Variants in CCSER1 observed in about 807,000 individuals in gnomAD.
CCSER1 encodes serine-rich coiled-coil domain-containing protein 1.
In CCSER1, 41 loss-of-function variants were observed where a neutral mutation model predicts 82.0. The observed-to-expected ratio is 0.50, with a 90% CI of 0.39 to 0.65. CCSER1 has a LOEUF of 0.65. Ranked by LOEUF, CCSER1 falls within the 30% of genes least tolerant of loss-of-function variation. The pLI is 0.00. For missense variants in CCSER1, 1,119 were observed against 1,064.2 expected (o/e 1.05, Z -0.72); for synonymous variants, 414 against 383.9 (o/e 1.08, Z -0.92).
At chr4:91,571,755 A>G (rs1053826184) in intron 10 of CCSER1, among the ~76,000 whole-genome samples, 2 of 151,986 alleles carry the variant, frequency 1.3e-5, no homozygotes, top group Non-Finnish European at 2.9e-5. Context: ...TCCCACAGAG[A>G]TGTAGGCCAT....
intron 10 of CCSER1, among the ~76,000 whole-genome samples, chr4:91,360,331 T>A (rs916475578): frequency 2.0e-5 from 3 of 151,788 alleles, no homozygotes; most frequent in African/African-American, 7.3e-5. Context: ...TGATTTAAAC[T>A]GTGTAGACAT....
chr4:91,020,555 G>A (rs376932126), intron 9 of CCSER1, among the ~76,000 whole-genome samples: 23 of 151,966 alleles, frequency 1.5e-4, no homozygotes, highest in African/African-American at 2.4e-4. Flanking sequence ...CCAGTTACTC[G>A]GGAGGCTGAG....
At chr4:91,366,087 T>G (rs1749593985) in intron 10 of CCSER1, among the ~76,000 whole-genome samples, 1 of 152,126 alleles carries the variant, frequency 6.6e-6, no homozygotes, top group African/African-American at 2.4e-5. Context: ...GGCACGATCT[T>G]GGCTCACTGC....
intron 1 of CCSER1, among the ~76,000 whole-genome samples, chr4:90,231,427 C>A (rs1744519994): frequency 6.6e-6 from 1 of 151,018 alleles, no homozygotes; most frequent in Non-Finnish European, 1.5e-5. Flanking sequence ...AACAACCCTT[C>A]ATGCTAAAAA....
intron 10 of CCSER1, among the ~76,000 whole-genome samples, chr4:91,458,151 T>A (rs1756298005): frequency 6.6e-6 from 1 of 152,180 alleles, no homozygotes; most frequent in Non-Finnish European, 1.5e-5. Flanking sequence ...AAGTCTTTAA[T>A]CCATCTTGAG....
intron 10 of CCSER1, among the ~76,000 whole-genome samples, chr4:91,534,252 G>T (rs1761185175): frequency 6.6e-6 from 1 of 151,952 alleles, no homozygotes; most frequent in African/African-American, 2.4e-5. Context: ...TCTTAAATCT[G>T]CTATGTGCAT....
At chr4:90,407,899 G>A (rs1343992316) in intron 4 of CCSER1, among the ~76,000 whole-genome samples, 1 of 152,170 alleles carries the variant, frequency 6.6e-6, no homozygotes, top group Non-Finnish European at 1.5e-5. Context: ...AGAAAGGGGT[G>A]ACAGACGGCA....
At chr4:90,787,626 G>A (rs753147827) in intron 7 of CCSER1, among the ~76,000 whole-genome samples, 2 of 152,134 alleles carry the variant, frequency 1.3e-5, no homozygotes, top group Non-Finnish European at 2.9e-5. Context: ...ATGTGTAGCA[G>A]GGTATTTATT....
chr4:90,226,452 G>A (rs1743174520), intron 1 of CCSER1, among the ~76,000 whole-genome samples: 1 of 152,146 alleles, frequency 6.6e-6, no homozygotes, highest in Admixed American at 6.5e-5. Flanking sequence ...TCTAGGAAAG[G>A]CAAAGAAATT....
At chr4:90,625,055 C>A (rs575232725) in intron 5 of CCSER1, among the ~76,000 whole-genome samples, 1 of 152,184 alleles carries the variant, frequency 6.6e-6, no homozygotes. Flanking sequence ...CACATTTGTT[C>A]AATTTCTTGA....
intron 8 of CCSER1, among the ~76,000 whole-genome samples, chr4:90,893,827 T>C (rs1274011264): frequency 6.6e-6 from 1 of 151,790 alleles, no homozygotes; most frequent in Admixed American, 6.6e-5. Context: ...CAATATGTGT[T>C]ATTTATATAA....
intron 5 of CCSER1, among the ~76,000 whole-genome samples, chr4:90,547,065 A>G (rs900927000): frequency 6.6e-6 from 1 of 152,076 alleles, no homozygotes; most frequent in Non-Finnish European, 1.5e-5. Flanking sequence ...TTGAAGACCT[A>G]CATTTCATAC....
intron 5 of CCSER1, among the ~76,000 whole-genome samples, chr4:90,548,145 T>G (rs887339604): frequency 6.6e-6 from 1 of 151,778 alleles, no homozygotes; most frequent in African/African-American, 2.4e-5. Flanking sequence ...AAAAAAAAAA[T>G]TATAATGACT....
chr4:91,442,074 C>T (rs953568790), intron 10 of CCSER1, among the ~76,000 whole-genome samples: 4 of 151,978 alleles, frequency 2.6e-5, no homozygotes, highest in Non-Finnish European at 4.4e-5. Flanking sequence ...TCAATGCCAT[C>T]CCCATCAAGC....
intron 6 of CCSER1, among the ~76,000 whole-genome samples, chr4:90,644,462 T>TA (rs1252712002): frequency 6.6e-6 from 1 of 151,784 alleles, no homozygotes; most frequent in Non-Finnish European, 1.5e-5. Flanking sequence ...GTATTTTTTT[T>TA]ATTTAATTTA....
chr4:90,534,566 A>C (rs1775066782), intron 5 of CCSER1, among the ~76,000 whole-genome samples: 1 of 152,140 alleles, frequency 6.6e-6, no homozygotes, highest in Non-Finnish European at 1.5e-5. Flanking sequence ...ATTAAAGCAG[A>C]TATTGAAAGG....
rs894351019 is a variant in CCSER1, at chr4:90,358,265, C to T, written c.1510-41771C>T. ...TACCTCTACTTGAGTGTTAATGATT[C>T]AGATTTAAAATGAAGTTACACATTC... On this transcript the variant is annotated intron_variant, in intron 3 of 10. Coordinates refer to ENST00000509176, the MANE Select transcript of CCSER1 (RefSeq NM_001145065.2). Among the ~76,000 whole-genome samples the T allele has an allele frequency of 2.6e-4, 20 of 76,850 alleles. 1 individual carries two copies. The highest frequency in any genetic ancestry group is 2.0e-3 in the Admixed American group (20 of 9,842). 50.4% of individuals were successfully genotyped at this position (76,850 alleles called of 152,430 possible).
intron 10 of CCSER1, among the ~76,000 whole-genome samples, chr4:91,300,362 G>A (rs762214114): frequency 2.0e-5 from 3 of 151,736 alleles, no homozygotes; most frequent in Non-Finnish European, 4.4e-5. Flanking sequence ...AGACTCGAAG[G>A]CACCATTTCT....
At chr4:90,217,776 C>A (rs928647320) in intron 1 of CCSER1, among the ~76,000 whole-genome samples, 13 of 151,738 alleles carry the variant, frequency 8.6e-5, no homozygotes, top group African/African-American at 2.9e-4. Context: ...TCCTACAATG[C>A]CTAATTTCTT....
Sources: allele counts gnomAD v4.1 joint callset (sites outside exome capture counted in the v4.1 genomes callset), GRCh38; gene constraint gnomAD v4.1.1; transcripts MANE v1.5; gene names NCBI Gene and HGNC (gene_info 2026-07-23, HGNC 2026-07-21).